Variants in PITPNM3 observed in about 807,000 individuals in gnomAD.
The protein encoded by PITPNM3 is PITPNM family member 3, also known as membrane-associated phosphatidylinositol transfer protein 3.
PITPNM3 carries 26 observed loss-of-function variants against 102.0 expected under a neutral mutation model. The observed-to-expected ratio is 0.25, with a 90% CI of 0.19 to 0.35. The LOEUF (loss-of-function observed/expected upper bound fraction) is 0.35. Among genes scored for constraint, PITPNM3 ranks in the 10% least tolerant of loss-of-function variants. PITPNM3 has a pLI of 1.00. For synonymous variants in PITPNM3, 578 were observed against 558.6 expected, an observed-to-expected ratio of 1.03 and a Z score of -0.49; for missense variants, 1,083 against 1,346.1, an observed-to-expected ratio of 0.80 and a Z score of 3.06.
chr17:6,543,316 C>T (rs754757683), intron 1 of PITPNM3, among the ~76,000 whole-genome samples: 16 of 152,188 alleles, frequency 1.1e-4, no homozygotes, highest in Admixed American at 7.9e-4. Flanking sequence ...TCCTCCTGGC[C>T]ATCTTTCCCA....
intron 14 of PITPNM3, among the ~76,000 whole-genome samples, chr17:6,465,232 G>A (rs1222662980): frequency 1.3e-5 from 2 of 152,150 alleles, no homozygotes; most frequent in Non-Finnish European, 1.5e-5. Context: ...TTTTAGTAGA[G>A]ATGGGGTTTC....
chr17:6,473,769 G>C (rs1317982634), intron 10 of PITPNM3, among the ~76,000 whole-genome samples: 2 of 152,102 alleles, frequency 1.3e-5, no homozygotes, highest in Non-Finnish European at 2.9e-5. Flanking sequence ...TTGAGGTCAG[G>C]AGTTCGAGAC....
chr17:6,503,474 C>T (rs1907307395), intron 4 of PITPNM3, 53 bp downstream of exon 4: 2 of 1,584,640 alleles, frequency 1.3e-6, no homozygotes, highest in African/African-American at 1.3e-5. Flanking sequence ...GCTCAATGAG[C>T]TTGCACCCAT....
intron 2 of PITPNM3, among the ~76,000 whole-genome samples, chr17:6,535,626 A>G (rs1381412232): frequency 6.6e-6 from 1 of 151,992 alleles, no homozygotes; most frequent in Non-Finnish European, 1.5e-5. Context: ...GGGAGAAGAA[A>G]AAAAGGAAGT....
intron 11 of PITPNM3, 63 bp from the exon 12 acceptor site, chr17:6,471,418 G>T: frequency 7.1e-7 from 1 of 1,407,276 alleles, no homozygotes; most frequent in Non-Finnish European, 9.5e-7. Context: ...CCCACTCAGT[G>T]CCAGCCCCAT....
intron 4 of PITPNM3, among the ~76,000 whole-genome samples, chr17:6,500,235 G>A (rs1276127686): frequency 2.0e-5 from 3 of 152,118 alleles, no homozygotes; most frequent in Non-Finnish European, 4.4e-5. Context: ...CTCGCAATTT[G>A]TTTTTAGTGA....
chr17:6,503,653 A>G (rs899519900), intron 3 of PITPNM3, 79 bp from the exon 4 acceptor site: 39 of 1,444,328 alleles, frequency 2.7e-5, no homozygotes, highest in Non-Finnish European at 3.6e-5. Flanking sequence ...GGCTGCTTGG[A>G]GCTGCCTCTG....
At chr17:6,552,543 G>GCACTC (rs1435642111) in intron 1 of PITPNM3, among the ~76,000 whole-genome samples, 1 of 152,118 alleles carries the variant, frequency 6.6e-6, no homozygotes, top group African/African-American at 2.4e-5. Context: ...TCTTACCCCG[G>GCACTC]CACTCCTGTC....
At position 6,468,327 on chromosome 17, in the gene PITPNM3, C is replaced by T. The variant is rs142145870; in HGVS notation, c.1788G>A (p.Glu596=). 26 of 1,614,030 alleles carry T rather than the reference C, an allele frequency of 1.6e-5. No homozygotes were observed. The African/African-American group carries it at 3.3e-4, about 21-fold the overall frequency. ...GGGCGCTTTCCTTGATGTTCACGCT[C>T]TCATAGCGCATTACCTAGCCAAGAG... ...AFILRQVMRY[E]SVNIKESARL... The change falls in exon 14 of 20, where the codon GAG becomes GAA. Residue 596 remains glutamate, a synonymous_variant. Coordinates refer to ENST00000262483, the MANE Select transcript of PITPNM3 (RefSeq NM_031220.4). The surrounding 1 kb of genome is among the most constrained non-coding windows in gnomAD (Gnocchi z 5.2).
At position 6,535,694 on chromosome 17, in the gene PITPNM3, A is replaced by G. The variant is rs1244211227; in HGVS notation, c.118+2293T>C. Among the ~76,000 whole-genome samples the G allele has an allele frequency of 3.5e-4, 53 of 152,072 alleles. 2 individuals are homozygous for G. The East Asian group carries it at 7.5e-3, about 22-fold the overall frequency. Reference sequence around the variant, plus strand: ...AGCACTTTGGGAGGCCAAGGCAGGCAGATCACTTGAGGTAAGGAGTTCAAG... The same window carrying G: ...AGCACTTTGGGAGGCCAAGGCAGGCGGATCACTTGAGGTAAGGAGTTCAAG... On this transcript the variant is annotated intron_variant, in intron 2 of 19. Coordinates refer to ENST00000262483, the MANE Select transcript of PITPNM3 (RefSeq NM_031220.4).
intron 11 of PITPNM3, among the ~76,000 whole-genome samples, chr17:6,471,962 G>GA (rs1905097382): frequency 6.6e-6 from 1 of 152,138 alleles, no homozygotes; most frequent in South Asian, 2.1e-4. Context: ...TTTTAATCCT[G>GA]AATCGGCCCC....
At chr17:6,509,385 GGA>G (rs1242573516) in intron 3 of PITPNM3, among the ~76,000 whole-genome samples, 2 of 152,182 alleles carry the variant, frequency 1.3e-5, no homozygotes, top group Non-Finnish European at 2.9e-5. Flanking sequence ...TGGTGGCTGC[GGA>G]GAGAGTGATT....
intron 1 of PITPNM3, among the ~76,000 whole-genome samples, chr17:6,544,581 T>C (rs925463519): frequency 1.7e-4 from 26 of 149,484 alleles, no homozygotes; most frequent in African/African-American, 4.9e-4. Context: ...GAGCCAAGAG[T>C]GAGAGCAGTG....
At chr17:6,461,251 G>T in intron 18 of PITPNM3, 122 bp downstream of exon 18, 1 of 1,222,944 alleles carries the variant, frequency 8.2e-7, no homozygotes. Context: ...CCAGATCCAC[G>T]GGAATGGGAT....
chr17:6,506,855 A>G (rs1298211318), intron 3 of PITPNM3, among the ~76,000 whole-genome samples: 1 of 152,210 alleles, frequency 6.6e-6, no homozygotes, highest in African/African-American at 2.4e-5. Flanking sequence ...TGACAGTTGG[A>G]AAGTTGAGCC....
chr17:6,543,957 C>A (rs1390972575), intron 1 of PITPNM3, among the ~76,000 whole-genome samples: 2 of 152,204 alleles, frequency 1.3e-5, no homozygotes, highest in African/African-American at 2.4e-5. Flanking sequence ...CTAGAACTTT[C>A]TCCTCAAGGG....
intron 3 of PITPNM3, among the ~76,000 whole-genome samples, chr17:6,521,918 A>G (rs1049331272): frequency 1.3e-5 from 2 of 152,190 alleles, no homozygotes; most frequent in Admixed American, 6.5e-5. Context: ...GGGCCATTCC[A>G]TCCTTACAGG....
Position 6,472,447 on chromosome 17 carries a change from C to T in PITPNM3, c.1429+210G>A, listed in dbSNP as rs1905115972. On this transcript the variant is annotated intron_variant, in intron 11 of 19. Transcript: ENST00000262483. This position sits in a 1 kb window ranked among gnomAD's most constrained non-coding sequence, Gnocchi z 4.1. ...TGGCCACAGGAGTGTGTCCGGGAGC[C>T]TGTTGGGGGCCTCTGAGCCCCAAGA... Among the ~76,000 whole-genome samples the T allele has an allele frequency of 6.6e-6, 1 of 152,232 alleles. No homozygotes were observed. The highest frequency in any genetic ancestry group is 2.1e-4 in the South Asian group (1 of 4,830).
At chr17:6,483,781 G>A (rs1487757464) in intron 5 of PITPNM3, 29 bp from the exon 6 acceptor site, 1 of 1,600,578 alleles carries the variant, frequency 6.2e-7, no homozygotes, top group African/African-American at 1.3e-5. Flanking sequence ...GGAATACAGA[G>A]AGAGAGGCGG....
Sources: gnomAD v4.1 joint callset for allele counts (sites outside exome capture counted in the v4.1 genomes callset) on GRCh38, gnomAD v4.1.1 for gene constraint, Gnocchi (gnomAD v3.1) non-coding constraint, MANE v1.5 for transcripts, NCBI Gene and HGNC (gene_info 2026-07-23, HGNC 2026-07-21) for gene names.